PRAMEF1: variants seen among roughly 807,000 people sequenced by gnomAD.
The protein encoded by PRAMEF1 is PRAME family member 1.
A neutral mutation model predicts 38.2 loss-of-function variants in PRAMEF1; 21 were observed. The observed-to-expected ratio is 0.55, with a 90% confidence interval of 0.39 to 0.79. The LOEUF (loss-of-function observed/expected upper bound fraction) is 0.79. Ranked by LOEUF, PRAMEF1 falls within the 30% of genes least tolerant of loss-of-function variation. The pLI is 0.00. For missense variants in PRAMEF1, 497 were observed against 565.8 expected (o/e 0.88, Z 1.23); for synonymous variants, 200 against 229.0 (o/e 0.87, Z 1.14).
chr1:12,792,501 C>T (rs1337176626), intron 1 of PRAMEF1, among the ~76,000 whole-genome samples: 1 of 151,210 alleles, frequency 6.6e-6, no homozygotes, highest in African/African-American at 2.4e-5. Flanking sequence ...AGTGATTCTC[C>T]TTTCTCTGCC....
chr1:12,796,338 G>C lies in PRAMEF1; in HGVS notation c.*342G>C. On this transcript the variant is annotated 3_prime_UTR_variant, in exon 4 of 4. Coordinates refer to ENST00000332296, the MANE Select transcript of PRAMEF1 (RefSeq NM_023013.4). ...ATAACAGCAGGGGGCAAGGTTGGAG[G>C]AAAATGTTGAGGTGACATCAGTGAG... 2.9e-6 allele frequency: 1 copy of C among 341,730 alleles called. No individual in the cohort carries two copies. Among genetic ancestry groups the C allele is most frequent in the Non-Finnish European group, 5.2e-6 (1 of 191,582 alleles). The allele number at this position is 341,730 out of a possible 1,614,324, so 21.2% of individuals were successfully genotyped here.
chr1:12,793,541 A>T lies in PRAMEF1; in HGVS notation c.287+27A>T, dbSNP rs762751001. The T allele has an allele frequency of 7.5e-6, 12 of 1,598,700 alleles. No homozygotes were observed. In the South Asian group the frequency reaches 1.3e-4, roughly 18 times the overall value. On this transcript the variant is annotated intron_variant, in intron 2 of 3. Coordinates refer to ENST00000332296, the MANE Select transcript of PRAMEF1 (RefSeq NM_023013.4). ...TGAGGTGACCCAGGAGGGCTGGTAG[A>T]TAGGGCTCAGGTGTCCAGGGAAAGA...
rs745596056 is a variant in PRAMEF1, at chr1:12,795,703, C to G, written c.1132C>G (p.Gln378Glu). 4.3e-6 allele frequency: 7 copies of G among 1,611,546 alleles called. No homozygotes were observed. The highest frequency in any genetic ancestry group is 5.9e-6 in the Non-Finnish European group (7 of 1,179,744). The change falls in exon 4 of 4, where the codon CAG becomes GAG. Residue 378 changes from glutamine to glutamate, a missense_variant. Transcript: ENST00000332296. ...AILPGLSRCSQLTTFYFGRNC... is the reference protein window; with the variant it reads ...AILPGLSRCSELTTFYFGRNC... ...CCTGCCTGGCCTGAGCCGCTGCTCC[C>G]AGCTCACCACCTTCTACTTTGGCAG...
chr1:12,794,903 T>C (rs1378267881), intron 3 of PRAMEF1: 11 of 1,325,512 alleles, frequency 8.3e-6, no homozygotes, highest in Non-Finnish European at 1.1e-5. Context: ...CTCACCGGCT[T>C]AGTGATCACG....
At chr1:12,795,088 T>A (rs1639370471) in intron 3 of PRAMEF1, 3 of 1,049,262 alleles carry the variant, frequency 2.9e-6, no homozygotes, top group Non-Finnish European at 4.0e-6. Context: ...TGCTGACATG[T>A]AGCTCTAGCT....
chr1:12,792,727 G>A (rs1466707232), intron 1 of PRAMEF1, among the ~76,000 whole-genome samples: 1 of 151,082 alleles, frequency 6.6e-6, no homozygotes, highest in Non-Finnish European at 1.5e-5. Context: ...TCATTATGTA[G>A]GCCAGGCTGT....
intron 1 of PRAMEF1, among the ~76,000 whole-genome samples, chr1:12,792,575 T>C (rs1327949737): frequency 1.3e-5 from 2 of 151,248 alleles, no homozygotes; most frequent in Non-Finnish European, 2.9e-5. Context: ...ATTAACTTAT[T>C]TATCAATTTG....
rs542232244 is a variant in PRAMEF1, at chr1:12,796,562, A to C, written c.*566A>C. 4 of 154,664 alleles carry C rather than the reference A, an allele frequency of 2.6e-5. No individual in the cohort carries two copies. The highest frequency in any genetic ancestry group is 5.7e-5 in the Non-Finnish European group (4 of 69,768). 9.6% of individuals were successfully genotyped at this position (154,664 alleles called of 1,614,324 possible). ...ACGGATGGAAAAATAACGAAATACT[A>C]ATTTGTCTGTGATTGAGTTTCAGTT... On this transcript the variant is annotated 3_prime_UTR_variant, in exon 4 of 4. Transcript: ENST00000332296.
chr1:12,793,218 A>G lies in PRAMEF1; in HGVS notation c.-10A>G, dbSNP rs1639324321. Reference sequence around the variant, plus strand: ...TGTCTTCTAGAGATTTTCCTTGCAGATCTATCAGGATGAGCATCCAGGCCC... The same window carrying G: ...TGTCTTCTAGAGATTTTCCTTGCAGGTCTATCAGGATGAGCATCCAGGCCC... On this transcript the variant is annotated 5_prime_UTR_variant, in exon 2 of 4. Coordinates refer to ENST00000332296, the MANE Select transcript of PRAMEF1 (RefSeq NM_023013.4). 7 of 1,606,636 alleles carry G rather than the reference A, an allele frequency of 4.4e-6. No homozygotes were observed. The highest frequency in any genetic ancestry group is 2.3e-5 in the East Asian group (1 of 44,368).
In PRAMEF1 at chr1:12,793,274, G is replaced by T. The variant is rs1413460209; in HGVS notation, c.47G>T (p.Ser16Ile). The change falls in exon 2 of 4, where the codon AGC (serine) becomes ATC (isoleucine). Residue 16 changes from serine (S) to isoleucine (I), a missense_variant. Around this residue, in one of 2 missense-constraint regions of PRAMEF1, gnomAD observed 470 missense variants for 501.9 expected, o/e 0.94. Transcript: ENST00000332296. Reference protein sequence around the residue: ...PPRLLELAGQSLLRDQALSIS... With the variant: ...PPRLLELAGQILLRDQALSIS... ...AGACTACTGGAGCTGGCAGGGCAGA[G>T]CCTGCTGAGAGACCAGGCCTTGTCC... 9.8e-5 allele frequency: 157 copies of T among 1,607,562 alleles called. 11 individuals are homozygous for T. The highest frequency in any genetic ancestry group is 1.3e-4 in the Non-Finnish European group (152 of 1,177,530).
At position 12,793,292 on chromosome 1, in the gene PRAMEF1, C is replaced by T. The variant is rs75270454; in HGVS notation, c.65C>T (p.Ala22Val). Residue 22 changes from alanine to valine, a missense_variant, in exon 2 of 4, where the codon GCC becomes GTC. By Grantham distance (64) the Ala-to-Val change is moderately conservative. Transcript: ENST00000332296. ...GGGCAGAGCCTGCTGAGAGACCAGGCCTTGTCCATCTCTGCCATGGAGGAG... is the reference window on the plus strand; with the variant it reads ...GGGCAGAGCCTGCTGAGAGACCAGGTCTTGTCCATCTCTGCCATGGAGGAG... The part of the protein sequence containing the change: ...LAGQSLLRDQ[A>V]LSISAMEELP... 7.5e-4 allele frequency: 1,199 copies of T among 1,607,940 alleles called. 40 individuals carry two copies. The highest frequency in any genetic ancestry group is 9.0e-4 in the Non-Finnish European group (1,054 of 1,177,536).
In PRAMEF1 at chr1:12,795,533, A is replaced by G. The variant is rs1327303790; in HGVS notation, c.962A>G (p.Tyr321Cys). The stretch of plus-strand genomic sequence containing the variant: ...CTCTCCCAGTACCCAAGCCTCGGTT[A>G]CCTAAAGCATCTGAATCTCAGCTAC... ...KCLSQYPSLG[Y>C]LKHLNLSYVL... Residue 321 changes from tyrosine (Y) to cysteine (C), a missense_variant, in exon 4 of 4, where the codon TAC becomes TGC. Around this residue, in one of 2 missense-constraint regions of PRAMEF1, gnomAD observed 470 missense variants for 501.9 expected, o/e 0.94. Coordinates refer to ENST00000332296, the MANE Select transcript of PRAMEF1 (RefSeq NM_023013.4). 6.2e-6 allele frequency: 10 copies of G among 1,612,478 alleles called. No homozygotes were observed. In the Admixed American group the frequency reaches 1.5e-4, roughly 24 times the overall value.
Position 12,793,983 on chromosome 1 carries a change from C to T in PRAMEF1, c.356C>T (p.Ala119Val). 6.2e-7 allele frequency: 1 copy of T among 1,608,432 alleles called. No individual in the cohort carries two copies. Among genetic ancestry groups the T allele is most frequent in the Non-Finnish European group, 8.5e-7 (1 of 1,178,022 alleles). ...AATTTCTGGGCCAGATGGCCTGGAG[C>T]CTGGGCCCTGTCCTGCTTCCCAGAG... is the stretch of plus-strand genomic sequence containing the variant. ...DENFWARWPGAWALSCFPETT... is the reference protein window; with the variant it reads ...DENFWARWPGVWALSCFPETT... The change falls in exon 3 of 4, where the codon GCC (alanine) becomes GTC (valine). Residue 119 changes from alanine to valine, a missense_variant. Ala to Val is a moderately conservative substitution (Grantham distance 64, BLOSUM62 0). This residue lies in a region of PRAMEF1 where 470 missense variants were observed against 501.9 expected (regional missense o/e 0.94). Coordinates refer to ENST00000332296, the MANE Select transcript of PRAMEF1 (RefSeq NM_023013.4).
chr1:12,793,123 A>G, intron 1 of PRAMEF1, 80 bp from the exon 2 acceptor site: 1 of 1,536,264 alleles, frequency 6.5e-7, no homozygotes, highest in Non-Finnish European at 8.8e-7. Flanking sequence ...TGTTTGGAAG[A>G]CATTCTTCCT....
intron 3 of PRAMEF1, 54 bp downstream of exon 3, chr1:12,794,547 A>G (rs372517054): frequency 1.3e-6 from 2 of 1,598,808 alleles, no homozygotes; most frequent in Non-Finnish European, 1.7e-6. Flanking sequence ...CTTGTTCTGT[A>G]ACAGCAAACA....
At chr1:12,794,869 C>T in intron 3 of PRAMEF1, 1 of 1,315,448 alleles carries the variant, frequency 7.6e-7, no homozygotes, top group South Asian at 1.3e-5. Context: ...TCAAACCTGT[C>T]CATTTCACAA....
At chr1:12,792,313 C>T (rs533603395) in intron 1 of PRAMEF1, among the ~76,000 whole-genome samples, 10 of 151,234 alleles carry the variant, frequency 6.6e-5, no homozygotes, top group Middle Eastern at 3.5e-3. Flanking sequence ...TGAGCCACCG[C>T]GCCCAGCTAC....
At position 12,793,005 on chromosome 1, in the gene PRAMEF1, G is replaced by T. The variant is rs144985462; in HGVS notation, c.-25-198G>T. On this transcript the variant is annotated intron_variant, in intron 1 of 3. Transcript: ENST00000332296. ...AGAAATTTTTCTTCAAAGAGGTAGA[G>T]CTTGGCTTTCAGGATCCTCAGTGGC... Among the ~76,000 whole-genome samples the T allele has an allele frequency of 2.1e-3, 318 of 151,126 alleles. 6 individuals carry two copies. The highest frequency in any genetic ancestry group is 7.4e-3 in the African/African-American group (305 of 41,298).
At position 12,796,101 on chromosome 1, in the gene PRAMEF1, A is replaced by G; in HGVS notation, c.*105A>G. 7.5e-7 allele frequency: 1 copy of G among 1,324,800 alleles called. No individual in the cohort carries two copies. The highest frequency in any genetic ancestry group is 1.0e-6 in the Non-Finnish European group (1 of 987,200). The allele number at this position is 1,324,800 out of a possible 1,614,324, so 82.1% of individuals were successfully genotyped here. ...AAACTATTTTTCTCTTTTCTTATTT[A>G]TTTCATTTTTTAATAATTCCAAAAT... On this transcript the variant is annotated 3_prime_UTR_variant, in exon 4 of 4. Transcript: ENST00000332296.
Sources: allele counts gnomAD v4.1 joint callset (sites outside exome capture counted in the v4.1 genomes callset), GRCh38; gene constraint gnomAD v4.1.1; regional missense constraint gnomAD v4.1.1; transcripts MANE v1.5; gene names NCBI Gene and HGNC (gene_info 2026-07-23, HGNC 2026-07-21).